HIBADH: variants seen among roughly 807,000 people sequenced by gnomAD.
HIBADH encodes 3-hydroxyisobutyrate dehydrogenase.
In HIBADH, 25 loss-of-function variants were observed where a neutral mutation model predicts 36.1. The ratio of observed to expected loss-of-function variants is 0.69; its 90% CI spans 0.50 to 0.97. The LOEUF is 0.97. Among genes scored for constraint, HIBADH ranks in the 50% least tolerant of loss-of-function variants. The pLI, the probability that HIBADH is intolerant of heterozygous loss-of-function variation, is 0.00. For missense variants in HIBADH, 421 were observed against 418.0 expected, an observed-to-expected ratio of 1.01 and a Z score of -0.06; for synonymous variants, 160 against 149.5, an observed-to-expected ratio of 1.07 and a Z score of -0.51.
intron 4 of HIBADH, among the ~76,000 whole-genome samples, chr7:27,597,298 G>A (rs886639867): frequency 1.1e-4 from 16 of 152,124 alleles, no homozygotes; most frequent in African/African-American, 3.9e-4. Context: ...TATTCTCAGT[G>A]CCTACCAGAT....
intron 4 of HIBADH, among the ~76,000 whole-genome samples, chr7:27,610,896 G>T (rs1471430158): frequency 6.6e-6 from 1 of 152,102 alleles, no homozygotes; most frequent in East Asian, 1.9e-4. Flanking sequence ...AAAACAGTAG[G>T]TATCCAGTTC....
At chr7:27,653,736 C>CA (rs879298493) in intron 1 of HIBADH, among the ~76,000 whole-genome samples, 2,657 of 128,460 alleles carry the variant, frequency 0.021, 59 homozygotes, top group African/African-American at 0.068. Flanking sequence ...GACTCTGTCT[C>CA]AAAAAAAAAA....
At chr7:27,633,898 T>C (rs1416293452) in intron 2 of HIBADH, among the ~76,000 whole-genome samples, 1 of 152,208 alleles carries the variant, frequency 6.6e-6, no homozygotes, top group Admixed American at 6.5e-5. Flanking sequence ...CAAATAGGAA[T>C]GCCTCTGCTT....
chr7:27,630,734 A>C (rs910410170), intron 3 of HIBADH, among the ~76,000 whole-genome samples: 6 of 152,226 alleles, frequency 3.9e-5, no homozygotes, highest in Non-Finnish European at 8.8e-5. Flanking sequence ...GACCTCGTCT[A>C]AAATAAAAAG....
chr7:27,642,881 G>A (rs1279741767), intron 2 of HIBADH, among the ~76,000 whole-genome samples: 1 of 152,086 alleles, frequency 6.6e-6, no homozygotes, highest in Non-Finnish European at 1.5e-5. Flanking sequence ...TCGATCTCCT[G>A]ACCTCGTGAT....
chr7:27,569,597 C>T (rs752493509), intron 4 of HIBADH, among the ~76,000 whole-genome samples: 2 of 151,990 alleles, frequency 1.3e-5, no homozygotes, highest in Non-Finnish European at 2.9e-5. Flanking sequence ...TCATACATAA[C>T]ATCATGCGGT....
chr7:27,610,965 A>G (rs940420373), intron 4 of HIBADH, among the ~76,000 whole-genome samples: 1 of 152,230 alleles, frequency 6.6e-6, no homozygotes, highest in Non-Finnish European at 1.5e-5. Context: ...TGAAGTCTAT[A>G]TGAAACTCAC....
intron 4 of HIBADH, among the ~76,000 whole-genome samples, chr7:27,569,695 T>C (rs751921781): frequency 6.6e-6 from 1 of 152,094 alleles, no homozygotes; most frequent in Non-Finnish European, 1.5e-5. Context: ...CACCCGGTCC[T>C]CTGACTAGAA....
chr7:27,599,435 C>T (rs966359034), intron 4 of HIBADH, among the ~76,000 whole-genome samples: 1 of 152,010 alleles, frequency 6.6e-6, no homozygotes, highest in African/African-American at 2.4e-5. Context: ...GTAATCCCAG[C>T]ACTTTGGGAG....
intron 4 of HIBADH, among the ~76,000 whole-genome samples, chr7:27,553,820 C>T (rs3925338): frequency 0.76 from 115,983 of 152,122 alleles, 44,693 homozygotes; most frequent in East Asian, 0.94. Flanking sequence ...TTGCAAATAA[C>T]GTATCTTTCA....
intron 4 of HIBADH, among the ~76,000 whole-genome samples, chr7:27,577,164 C>CTTTTTTTTTTTTTTT (rs35467427): frequency 1.4e-5 from 2 of 143,888 alleles, no homozygotes; most frequent in African/African-American, 2.6e-5. Flanking sequence ...CATCATTTCT[C>CTTTTTTTTTTTTTTT]TCTTTTTTTT....
chr7:27,621,855 A>C (rs1483217854), intron 4 of HIBADH, among the ~76,000 whole-genome samples: 2 of 152,122 alleles, frequency 1.3e-5, no homozygotes, highest in Middle Eastern at 3.2e-3. Flanking sequence ...TATAACTAAA[A>C]TTAATACAAA....
At chr7:27,574,237 G>A (rs538618329) in intron 4 of HIBADH, among the ~76,000 whole-genome samples, 136 of 151,822 alleles carry the variant, frequency 9.0e-4, no homozygotes, top group Middle Eastern at 3.5e-3. Context: ...AAAAGCAGGT[G>A]AATCCCCAGA....
intron 4 of HIBADH, among the ~76,000 whole-genome samples, chr7:27,576,582 A>C (rs997116939): frequency 6.6e-6 from 1 of 152,178 alleles, no homozygotes; most frequent in African/African-American, 2.4e-5. Flanking sequence ...GTTTCTCTTA[A>C]AGAGTCAGCA....
intron 4 of HIBADH, among the ~76,000 whole-genome samples, chr7:27,551,935 C>T (rs1476450412): frequency 1.3e-5 from 2 of 152,170 alleles, no homozygotes; most frequent in African/African-American, 4.8e-5. Context: ...ACAGATGCAG[C>T]CTCACAAGGG....
chr7:27,555,837 A>G lies in HIBADH; in HGVS notation c.485-12737T>C, dbSNP rs190832599. Among the ~76,000 whole-genome samples the G allele has an allele frequency of 3.3e-4, 50 of 152,252 alleles. No homozygotes were observed. In the East Asian group the frequency reaches 8.7e-3, roughly 26 times the overall value. On this transcript the variant is annotated intron_variant, in intron 4 of 7. Transcript: ENST00000265395. ...ACAGAAACAAATCCTCGTAAAAATC[A>G]TGTCTATCTTCTCAAGTCAAATATA... is the stretch of plus-strand genomic sequence containing the variant.
chr7:27,621,309 T>C (rs1785537637), intron 4 of HIBADH, among the ~76,000 whole-genome samples: 1 of 152,054 alleles, frequency 6.6e-6, no homozygotes, highest in Non-Finnish European at 1.5e-5. Context: ...GTTAAACAGA[T>C]CACCTAGACA....
At chr7:27,545,701 T>C (rs1415921067) in intron 4 of HIBADH, among the ~76,000 whole-genome samples, 3 of 152,182 alleles carry the variant, frequency 2.0e-5, no homozygotes, top group Non-Finnish European at 4.4e-5. Flanking sequence ...GAAATACTTA[T>C]TTTACATATA....
Position 27,649,537 on chromosome 7 carries a change from T to C in HIBADH, c.188A>G (p.Tyr63Cys). 1.9e-6 allele frequency: 3 copies of C among 1,613,942 alleles called. No individual in the cohort carries two copies. Among genetic ancestry groups the C allele is most frequent in the South Asian group, 1.1e-5 (1 of 91,072 alleles). Residue 63 changes from tyrosine (Y) to cysteine (C), a missense_variant, in exon 2 of 8, where the codon TAT becomes TGT. Tyr to Cys is a radical substitution (Grantham distance 194). Coordinates refer to ENST00000265395, the MANE Select transcript of HIBADH (RefSeq NM_152740.4). Reference protein sequence around the residue: ...PMAKNLMKHGYPLIIYDVFPD... With the variant: ...PMAKNLMKHGCPLIIYDVFPD... ...GAACACATCATAAATAATAAGTGGATAGCCATGTTTCATGAGATTTTTTGC... is the reference window on the plus strand; with the variant it reads ...GAACACATCATAAATAATAAGTGGACAGCCATGTTTCATGAGATTTTTTGC...
Sources: gnomAD v4.1 joint callset for allele counts (sites outside exome capture counted in the v4.1 genomes callset) on GRCh38, gnomAD v4.1.1 for gene constraint, MANE v1.5 for transcripts, NCBI Gene and HGNC (gene_info 2026-07-23, HGNC 2026-07-21) for gene names.